The following NDEL1 variants were observed in gnomAD, a reference collection of about 807,000 sequenced individuals.
The protein encoded by NDEL1 is nuclear distribution protein nudE-like 1.
In NDEL1, 9 loss-of-function variants were observed where a neutral mutation model predicts 45.7. The ratio of observed to expected loss-of-function variants is 0.20; its 90% CI spans 0.12 to 0.34. NDEL1 has a LOEUF of 0.34. Among genes scored for constraint, NDEL1 ranks in the 10% least tolerant of loss-of-function variants. The probability of loss-of-function intolerance (pLI) is 1.00; values close to 1 mark genes in which losing one functional copy is unlikely to be tolerated. For missense variants in NDEL1, 306 were observed against 406.2 expected, an observed-to-expected ratio of 0.75 and a Z score of 2.12; for synonymous variants, 133 against 158.6, an observed-to-expected ratio of 0.84 and a Z score of 1.21.
upstream of NDEL1, chr17:8,435,826 C>T: frequency 2.3e-6 from 1 of 443,726 alleles, no homozygotes; most frequent in Non-Finnish European, 4.5e-6. Context: ...CCGTGCGCTG[C>T]CGCGCATGCT....
rs184627233 is a variant in NDEL1, at chr17:8,466,980, C to T, written c.995C>T (p.Ser332Leu). 8.2e-5 allele frequency: 133 copies of T among 1,614,242 alleles called. No individual in the cohort carries two copies. The highest frequency in any genetic ancestry group is 1.0e-4 in the Non-Finnish European group (118 of 1,180,044). The change falls in exon 9 of 9, where the codon TCG (serine) becomes TTG (leucine). Residue 332 changes from serine to leucine, a missense_variant. Coordinates refer to ENST00000334527, the MANE Select transcript of NDEL1 (RefSeq NM_030808.5). ...PAPPPPGLGS[S>L]RPSSAPGMLP... ...CCTCCTCCTCCTGGTCTGGGCTCCT[C>T]GCGTCCATCGTCAGCGCCGGGTATG...
chr17:8,427,051 TGGAAAGGGAA>T (rs1166759931), intron 1 of NDEL1, among the ~76,000 whole-genome samples: 1 of 152,006 alleles, frequency 6.6e-6, no homozygotes, highest in African/African-American at 2.4e-5. Context: ...TCAGGCACAG[TGGAAAGGGAA>T]GGAAAGGGAA....
At chr17:8,463,603 C>T (rs1911381135) in intron 8 of NDEL1, among the ~76,000 whole-genome samples, 2 of 152,192 alleles carry the variant, frequency 1.3e-5, no homozygotes, top group Admixed American at 6.5e-5. Flanking sequence ...TGCCAGGTGG[C>T]ACGCCTGAGA....
downstream of NDEL1, among the ~76,000 whole-genome samples, chr17:8,468,873 G>A (rs1259200631): frequency 1.3e-5 from 2 of 152,144 alleles, no homozygotes; most frequent in Admixed American, 6.5e-5. Context: ...GCATGGTGGC[G>A]GGTGCCTGTA....
At position 8,448,655 on chromosome 17, in the gene NDEL1, C is replaced by T; in HGVS notation, c.495C>T (p.Val165=). ...TTGATGAAAAGGAATCTTTGTTGGTCTCTGTACAGAGGTTAAAGGATGAAG... is the reference window on the plus strand; with the variant it reads ...TTGATGAAAAGGAATCTTTGTTGGTTTCTGTACAGAGGTTAAAGGATGAAG... The part of the protein sequence containing the change: ...SELDEKESLL[V]SVQRLKDEAR... The change falls in exon 5 of 9, where the codon GTC becomes GTT. Residue 165 remains valine, a synonymous_variant. Transcript: ENST00000334527. The T allele has an allele frequency of 6.2e-7, 1 of 1,614,018 alleles. No individual in the cohort carries two copies. The highest frequency in any genetic ancestry group is 1.1e-5 in the South Asian group (1 of 91,070).
intron 1 of NDEL1, among the ~76,000 whole-genome samples, chr17:8,415,966 C>T (rs1018525336): frequency 6.6e-6 from 1 of 152,150 alleles, no homozygotes; most frequent in African/African-American, 2.4e-5. Flanking sequence ...CCAGGCTGGT[C>T]TTGAACACCT....
rs189821770 is a variant in NDEL1 at position 8,430,520 on chromosome 17, G to A, written c.-12-13740G>A. Among the ~76,000 whole-genome samples the A allele has an allele frequency of 2.7e-3, 404 of 152,148 alleles. 1 individual carries two copies. Among genetic ancestry groups the A allele is most frequent in the African/African-American group, 9.1e-3 (377 of 41,480 alleles). On this transcript the variant is annotated intron_variant, in intron 1 of 4. Coordinates refer to the NDEL1 transcript ENST00000582812. ...TACCCAGATCTCTCTTAGGGTAGCC[G>A]GTCAACCTCCACCCTTCCCAGTGGT...
intron 7 of NDEL1, among the ~76,000 whole-genome samples, chr17:8,459,327 C>A (rs1032244745): frequency 5.3e-5 from 8 of 152,058 alleles, no homozygotes; most frequent in Non-Finnish European, 1.0e-4. Context: ...ATGTCATCTG[C>A]GTTGGTAGAG....
At chr17:8,434,292 C>T (rs1054010008), upstream of NDEL1, among the ~76,000 whole-genome samples, 1 of 152,198 alleles carries the variant, frequency 6.6e-6, no homozygotes, top group Admixed American at 6.5e-5. Context: ...GTGGTGCTCA[C>T]TGCAACCTCC....
intron 4 of NDEL1, among the ~76,000 whole-genome samples, chr17:8,447,884 T>C (rs948470185): frequency 6.7e-6 from 1 of 149,986 alleles, no homozygotes; most frequent in African/African-American, 2.5e-5. Context: ...GACAGATATG[T>C]ACATTCACTA....
At chr17:8,432,932 C>T (rs1317551648), upstream of NDEL1, among the ~76,000 whole-genome samples, 1 of 152,094 alleles carries the variant, frequency 6.6e-6, no homozygotes, top group African/African-American at 2.4e-5. Context: ...TTCTTTAGCC[C>T]TCCAGAAAGC....
intron 8 of NDEL1, among the ~76,000 whole-genome samples, chr17:8,464,083 A>T (rs1439260443): frequency 6.6e-6 from 1 of 152,118 alleles, no homozygotes; most frequent in Non-Finnish European, 1.5e-5. Flanking sequence ...CTTTGGATTT[A>T]TTGTCCTGAG....
chr17:8,462,095 G>A (rs1911247168), intron 8 of NDEL1, among the ~76,000 whole-genome samples: 1 of 151,654 alleles, frequency 6.6e-6, no homozygotes, highest in African/African-American at 2.4e-5. Context: ...ACAGGCCTTG[G>A]GCACACTGAC....
rs1446902413 is a variant in NDEL1 at position 8,435,915 on chromosome 17, C to T, written c.-143C>T. The T allele has an allele frequency of 8.9e-6, 4 of 447,328 alleles. No individual in the cohort carries two copies. The highest frequency in any genetic ancestry group is 7.4e-5 in the East Asian group (1 of 13,430). 27.7% of individuals were successfully genotyped at this position (447,328 alleles called of 1,614,324 possible). A position where few individuals can be genotyped will look rare whatever the true frequency, so the allele number is the denominator to read the frequency against. On this transcript the variant is annotated 5_prime_UTR_variant, in exon 1 of 9. Transcript: ENST00000334527. ...TGACGTGTCGGGGAGGAGCCGGGCG[C>T]GGAGGTACGCTGAGTGGAGCTCGGG...
chr17:8,443,507 A>G (rs1402393514), intron 1 of NDEL1, among the ~76,000 whole-genome samples: 1 of 152,190 alleles, frequency 6.6e-6, no homozygotes, highest in Non-Finnish European at 1.5e-5. Flanking sequence ...GCCAGAATAT[A>G]GAGTGGGATG....
intron 3 of NDEL1, among the ~76,000 whole-genome samples, chr17:8,446,420 A>T (rs1411919176): frequency 6.6e-6 from 1 of 152,108 alleles, no homozygotes; most frequent in Non-Finnish European, 1.5e-5. Context: ...AAAGGTAGGG[A>T]ATGTGAACTC....
chr17:8,452,289 C>T (rs1910553941), intron 6 of NDEL1, among the ~76,000 whole-genome samples: 1 of 152,112 alleles, frequency 6.6e-6, no homozygotes, highest in Non-Finnish European at 1.5e-5. Flanking sequence ...TAATTGAAGA[C>T]GAATCAGAAT....
At chr17:8,440,415 G>A (rs549683575) in intron 1 of NDEL1, among the ~76,000 whole-genome samples, 4 of 151,878 alleles carry the variant, frequency 2.6e-5, no homozygotes, top group East Asian at 1.9e-4. Context: ...TTAGGAGGCC[G>A]AGGCAAGAGA....
At chr17:8,466,870 A>AT (rs1911628844) in intron 8 of NDEL1, 60 bp from the exon 9 acceptor site, 1 of 1,491,098 alleles carries the variant, frequency 6.7e-7, no homozygotes, top group South Asian at 1.1e-5. Flanking sequence ...TGTGTGAGTG[A>AT]TTTTAAATGA....
Sources: allele counts gnomAD v4.1 joint callset (sites outside exome capture counted in the v4.1 genomes callset), GRCh38; gene constraint gnomAD v4.1.1; transcripts MANE v1.5; gene names NCBI Gene and HGNC (gene_info 2026-07-23, HGNC 2026-07-21).